SAMD5: variants seen among roughly 807,000 people sequenced by gnomAD.
The protein encoded by SAMD5 is sterile alpha motif domain-containing protein 5.
SAMD5 carries 13 observed loss-of-function variants against 11.3 expected under a neutral mutation model. The observed-to-expected ratio is 1.15, with a 90% CI of 0.75 to 1.83. The LOEUF (loss-of-function observed/expected upper bound fraction) is 1.83, where lower values mean the gene tolerates loss of function less well. Ranked by LOEUF, SAMD5 falls within the 40% of genes most tolerant of loss-of-function variation. The pLI is 0.00. For missense variants in SAMD5, 255 were observed against 239.1 expected (o/e 1.07, Z -0.44); for synonymous variants, 129 against 111.3 (o/e 1.16, Z -1.00).
At chr6:147,643,797 G>GGAAGGAA (rs1790351975) in intron 1 of SAMD5, among the ~76,000 whole-genome samples, 1 of 150,896 alleles carries the variant, frequency 6.6e-6, no homozygotes, top group Admixed American at 6.6e-5. Flanking sequence ...AGGAAGGAAA[G>GGAAGGAA]AGAGAGAGAG....
the SAMD5 span, among the ~76,000 whole-genome samples, chr6:147,766,249 G>A: frequency 6.6e-6 from 1 of 152,048 alleles, no homozygotes; most frequent in African/African-American, 2.4e-5. Flanking sequence ...GAATTCCTGG[G>A]AAGTGAGAGG....
chr6:147,781,769 TGC>T, the SAMD5 span, among the ~76,000 whole-genome samples: 65 of 81,750 alleles, frequency 8.0e-4, no homozygotes, highest in Admixed American at 5.8e-3. Flanking sequence ...ATAATTTGTG[TGC>T]GCACACACAC....
chr6:147,845,115 A>G, the SAMD5 span, among the ~76,000 whole-genome samples: 1 of 152,300 alleles, frequency 6.6e-6, no homozygotes, highest in South Asian at 2.1e-4. Context: ...ATATACAATT[A>G]TTAAGTATCA....
the SAMD5 span, among the ~76,000 whole-genome samples, chr6:147,863,483 G>T: frequency 1.3e-5 from 2 of 152,152 alleles, no homozygotes. Flanking sequence ...AAAAGATTTT[G>T]TTACCTACTA....
intron 1 of SAMD5, among the ~76,000 whole-genome samples, chr6:147,736,496 A>G (rs1432353110): frequency 3.9e-5 from 6 of 152,316 alleles, no homozygotes; most frequent in African/African-American, 1.4e-4. Context: ...GATAATTTAC[A>G]CAGACTACAT....
chr6:147,753,719 C>T, the SAMD5 span, among the ~76,000 whole-genome samples: 1 of 151,768 alleles, frequency 6.6e-6, no homozygotes. Context: ...CACCACCCTT[C>T]CCAGCCTCTG....
chr6:147,714,608 A>G (rs1490753944), intron 1 of SAMD5, among the ~76,000 whole-genome samples: 1 of 152,228 alleles, frequency 6.6e-6, no homozygotes, highest in Non-Finnish European at 1.5e-5. Context: ...TGATTGAAAG[A>G]TAAGTTAAAG....
chr6:147,931,370 A>G, the SAMD5 span, among the ~76,000 whole-genome samples: 2 of 152,188 alleles, frequency 1.3e-5, no homozygotes, highest in Non-Finnish European at 2.9e-5. Flanking sequence ...CAAACATATT[A>G]AAGCACATAT....
intron 1 of SAMD5, among the ~76,000 whole-genome samples, chr6:147,624,119 C>T (rs1274696707): frequency 6.6e-6 from 1 of 152,254 alleles, no homozygotes; most frequent in Non-Finnish European, 1.5e-5. Context: ...ATCCACCCGC[C>T]TCAGCCTCTC....
At chr6:147,599,785 A>C (rs1554235889) in intron 1 of SAMD5, among the ~76,000 whole-genome samples, 1 of 152,216 alleles carries the variant, frequency 6.6e-6, no homozygotes, top group Non-Finnish European at 1.5e-5. Context: ...CAGGCTGGTC[A>C]TTGGCTGTTT....
At chr6:147,703,483 A>G (rs1186867006) in intron 1 of SAMD5, among the ~76,000 whole-genome samples, 3 of 152,244 alleles carry the variant, frequency 2.0e-5, no homozygotes, top group African/African-American at 4.8e-5. Flanking sequence ...AAGTAGTTTG[A>G]TAATGAAACA....
the SAMD5 span, among the ~76,000 whole-genome samples, chr6:147,909,620 CT>C: frequency 0.054 from 3,654 of 67,290 alleles, 347 homozygotes; most frequent in African/African-American, 0.089. Flanking sequence ...TTCTTTCTTT[CT>C]TTCTTTCTTT....
rs1789011893 is a variant in SAMD5, at chr6:147,564,855, T to C, written c.*399T>C. ...GATTTCTGACAGTAAGTAGTAATTA[T>C]ATTATTTCCAAATTTGCTTTTAACT... On this transcript the variant is annotated 3_prime_UTR_variant, in exon 2 of 2. Coordinates refer to ENST00000367474, the MANE Select transcript of SAMD5 (RefSeq NM_001030060.3). The C allele has an allele frequency of 2.1e-6, 2 of 944,934 alleles. No homozygotes were observed. The highest frequency in any genetic ancestry group is 6.1e-5 in the Admixed American group (1 of 16,514). 58.5% of individuals were successfully genotyped at this position (944,934 alleles called of 1,614,324 possible). A position where few individuals can be genotyped will look rare whatever the true frequency, so the allele number is the denominator to read the frequency against.
intron 1 of SAMD5, among the ~76,000 whole-genome samples, chr6:147,616,895 T>G (rs1292604412): frequency 6.6e-6 from 1 of 152,178 alleles, no homozygotes; most frequent in Non-Finnish European, 1.5e-5. Flanking sequence ...CTGCCATGAT[T>G]TAATCACTCC....
chr6:147,718,880 G>A (rs371699096), intron 1 of SAMD5, among the ~76,000 whole-genome samples: 2 of 152,066 alleles, frequency 1.3e-5, no homozygotes, highest in African/African-American at 4.8e-5. Flanking sequence ...TAGTAGAGAT[G>A]GGGTTTCACC....
At chr6:147,598,415 T>C (rs844611) in intron 1 of SAMD5, among the ~76,000 whole-genome samples, 111,098 of 152,104 alleles carry the variant, frequency 0.73, 41,070 homozygotes, top group African/African-American at 0.84. Flanking sequence ...TGAGCCACCG[T>C]GGCTAGCATA....
the SAMD5 span, among the ~76,000 whole-genome samples, chr6:147,859,068 T>C: frequency 6.6e-6 from 1 of 152,310 alleles, no homozygotes; most frequent in Admixed American, 6.5e-5. Context: ...GACCTCACTA[T>C]GAAGATGACT....
the SAMD5 span, among the ~76,000 whole-genome samples, chr6:147,927,893 C>G: frequency 6.6e-6 from 1 of 152,096 alleles, no homozygotes; most frequent in African/African-American, 2.4e-5. Flanking sequence ...TAGATTTTAT[C>G]TAAAGCCTTT....
At chr6:147,909,136 G>A in the SAMD5 span, among the ~76,000 whole-genome samples, 12 of 152,322 alleles carry the variant, frequency 7.9e-5, no homozygotes, top group East Asian at 1.9e-4. Context: ...TTGAGCCTGC[G>A]AGGTTGAGGC....
Sources: allele counts gnomAD v4.1 joint callset (sites outside exome capture counted in the v4.1 genomes callset), GRCh38; gene constraint gnomAD v4.1.1; transcripts MANE v1.5; gene names NCBI Gene and HGNC (gene_info 2026-07-23, HGNC 2026-07-21).